SLC24A2: variants seen among roughly 807,000 people sequenced by gnomAD.
SLC24A2 encodes the protein solute carrier family 24 member 2, also known as sodium/potassium/calcium exchanger 2.
A neutral mutation model predicts 62.0 loss-of-function variants in SLC24A2; 36 were observed. That is an observed-to-expected ratio of 0.58 (90% CI 0.44 to 0.77). The LOEUF (loss-of-function observed/expected upper bound fraction) is 0.77, where lower values mean the gene tolerates loss of function less well. SLC24A2 is among the 30% of genes least tolerant of loss of function. SLC24A2 has a pLI of 0.00. For missense variants in SLC24A2, 846 were observed against 817.9 expected (o/e 1.03, Z -0.42); for synonymous variants, 358 against 294.0 (o/e 1.22, Z -2.23).
At chr9:20,082,954 C>T in the SLC24A2 span, among the ~76,000 whole-genome samples, 1 of 152,198 alleles carries the variant, frequency 6.6e-6, no homozygotes, top group Admixed American at 6.5e-5. Flanking sequence ...TTCTGTGTCT[C>T]AATAGAGAAA....
intron 7 of SLC24A2, among the ~76,000 whole-genome samples, chr9:19,555,333 A>G (rs1455070234): frequency 6.6e-6 from 1 of 152,180 alleles, no homozygotes; most frequent in African/African-American, 2.4e-5. Flanking sequence ...AGAAACTGAA[A>G]AATCTTAGAA....
chr9:19,900,693 G>A, the SLC24A2 span, among the ~76,000 whole-genome samples: 7 of 152,182 alleles, frequency 4.6e-5, no homozygotes, highest in African/African-American at 1.7e-4. Flanking sequence ...CCTAAGAAAT[G>A]CAAGCAATTC....
chr9:20,256,288 G>A, the SLC24A2 span, among the ~76,000 whole-genome samples: 5 of 152,142 alleles, frequency 3.3e-5, no homozygotes, highest in Non-Finnish European at 5.9e-5. Context: ...AAGACTAATG[G>A]CTTGAAAATA....
At chr9:20,080,685 C>A in the SLC24A2 span, among the ~76,000 whole-genome samples, 1 of 152,192 alleles carries the variant, frequency 6.6e-6, no homozygotes, top group African/African-American at 2.4e-5. Flanking sequence ...TCAGAGTGAA[C>A]AGGCAATCTA....
the SLC24A2 span, among the ~76,000 whole-genome samples, chr9:20,242,567 G>C: frequency 6.6e-6 from 1 of 152,186 alleles, no homozygotes; most frequent in African/African-American, 2.4e-5. Flanking sequence ...TGAGTGCAGG[G>C]AAGGGCAGGG....
chr9:19,876,369 T>C, the SLC24A2 span, among the ~76,000 whole-genome samples: 1 of 95,486 alleles, frequency 1.0e-5, no homozygotes, highest in Non-Finnish European at 2.4e-5. Context: ...TGAAGGCGTG[T>C]GTGTGTGTGT....
chr9:19,665,114 C>T (rs1451827589), intron 2 of SLC24A2, among the ~76,000 whole-genome samples: 1 of 152,100 alleles, frequency 6.6e-6, no homozygotes, highest in East Asian at 1.9e-4. Context: ...CAGTAAGATC[C>T]GCCTGCTCTT....
At chr9:19,982,251 A>T in the SLC24A2 span, among the ~76,000 whole-genome samples, 1 of 152,210 alleles carries the variant, frequency 6.6e-6, no homozygotes, top group African/African-American at 2.4e-5. Context: ...TGGAAATCAA[A>T]AGCAATTCCT....
chr9:19,806,985 T>C, the SLC24A2 span, among the ~76,000 whole-genome samples: 1 of 152,210 alleles, frequency 6.6e-6, no homozygotes, highest in African/African-American at 2.4e-5. Context: ...TAGATGGATT[T>C]GAAAACTCAT....
At chr9:20,281,470 CTT>C in the SLC24A2 span, among the ~76,000 whole-genome samples, 1 of 152,182 alleles carries the variant, frequency 6.6e-6, no homozygotes, top group Non-Finnish European at 1.5e-5. Flanking sequence ...TCCATGTACT[CTT>C]TTCTCGGTCA....
intron 8 of SLC24A2, among the ~76,000 whole-genome samples, chr9:19,548,840 C>T (rs779695294): frequency 3.9e-5 from 6 of 152,164 alleles, no homozygotes; most frequent in Non-Finnish European, 7.3e-5. Context: ...ACTGTATTTC[C>T]GAGTATACTG....
the SLC24A2 span, among the ~76,000 whole-genome samples, chr9:20,194,701 T>C: frequency 6.6e-6 from 1 of 152,160 alleles, no homozygotes; most frequent in South Asian, 2.1e-4. Flanking sequence ...TATCCCTGTC[T>C]CTCACAGTAT....
At chr9:20,294,634 ATCAGAAATCACTTAGTGATT>A in the SLC24A2 span, among the ~76,000 whole-genome samples, 2 of 152,354 alleles carry the variant, frequency 1.3e-5, no homozygotes, top group African/African-American at 4.8e-5. Flanking sequence ...TTTTAAAGAC[ATCAGAAATCACTTAGTGATT>A]TCCTTAAAGA....
At chr9:19,706,419 G>A (rs181282463) in intron 2 of SLC24A2, among the ~76,000 whole-genome samples, 2,916 of 143,072 alleles carry the variant, frequency 0.02, 36 homozygotes, top group Middle Eastern at 0.052. Context: ...TCGCTCTGTC[G>A]CCCATGCTGG....
At chr9:19,805,035 T>G in the SLC24A2 span, among the ~76,000 whole-genome samples, 2 of 152,138 alleles carry the variant, frequency 1.3e-5, no homozygotes, top group African/African-American at 4.8e-5. Context: ...TTTTAATTAT[T>G]AAAGCTGACA....
At chr9:19,517,822 A>G (rs908794658) in intron 10 of SLC24A2, among the ~76,000 whole-genome samples, 1 of 151,860 alleles carries the variant, frequency 6.6e-6, no homozygotes, top group African/African-American at 2.4e-5. Context: ...GTGATGGCAA[A>G]CTGAGAGCCA....
chr9:19,947,844 G>GAAAGAA, the SLC24A2 span, among the ~76,000 whole-genome samples: 2 of 142,490 alleles, frequency 1.4e-5, no homozygotes, highest in Admixed American at 7.1e-5. Context: ...AAGAAAGAAA[G>GAAAGAA]AAAGAAATTA....
At chr9:19,975,491 C>T in the SLC24A2 span, among the ~76,000 whole-genome samples, 1 of 152,098 alleles carries the variant, frequency 6.6e-6, no homozygotes, top group African/African-American at 2.4e-5. Flanking sequence ...GCTACATTGC[C>T]TCTTAGTTTG....
intron 8 of SLC24A2, among the ~76,000 whole-genome samples, chr9:19,541,458 C>T (rs1370923979): frequency 6.6e-6 from 1 of 151,548 alleles, no homozygotes; most frequent in Non-Finnish European, 1.5e-5. Context: ...TGTTGGAATA[C>T]CCTGCAGTGT....
Sources: gnomAD v4.1 joint callset for allele counts (sites outside exome capture counted in the v4.1 genomes callset) on GRCh38, gnomAD v4.1.1 for gene constraint, MANE v1.5 for transcripts, NCBI Gene and HGNC (gene_info 2026-07-23, HGNC 2026-07-21) for gene names.